Variants in LRRC37A2 observed in about 807,000 individuals in gnomAD.
The protein encoded by LRRC37A2 is leucine-rich repeat-containing protein 37A2.
In LRRC37A2, 9 loss-of-function variants were observed where a neutral mutation model predicts 68.8. The observed-to-expected ratio is 0.13, with a 90% CI of 0.08 to 0.23. The LOEUF (loss-of-function observed/expected upper bound fraction) is 0.23. LRRC37A2 is among the 10% of genes least tolerant of loss of function. The pLI is 1.00. For synonymous variants in LRRC37A2, 63 were observed against 367.6 expected (o/e 0.17, Z 9.48); for missense variants, 168 against 950.4 (o/e 0.18, Z 10.82).
chr17:46,920,348 G>T, the LRRC37A2 span, among the ~76,000 whole-genome samples: 3 of 152,188 alleles, frequency 2.0e-5, no homozygotes, highest in Non-Finnish European at 4.4e-5. Context: ...AGATATGGGA[G>T]GTTTTAGGGC....
At chr17:46,900,180 T>TAC in the LRRC37A2 span, among the ~76,000 whole-genome samples, 11 of 117,220 alleles carry the variant, frequency 9.4e-5, no homozygotes, top group African/African-American at 5.1e-4. Context: ...TATATATATA[T>TAC]ATATATATAT....
chr17:46,883,127 C>T, the LRRC37A2 span, among the ~76,000 whole-genome samples: 189 of 150,798 alleles, frequency 1.3e-3, no homozygotes, highest in African/African-American at 4.2e-3. Context: ...TCCAGGTGCC[C>T]GCCACCACGC....
the LRRC37A2 span, among the ~76,000 whole-genome samples, chr17:46,965,705 C>T: frequency 6.6e-6 from 1 of 152,176 alleles, no homozygotes; most frequent in Non-Finnish European, 1.5e-5. Context: ...ACGCTGCAGC[C>T]TCGACCTCCT....
chr17:46,804,810 G>C, the LRRC37A2 span, among the ~76,000 whole-genome samples: 4 of 152,164 alleles, frequency 2.6e-5, no homozygotes, highest in Non-Finnish European at 5.9e-5. Flanking sequence ...TCAGTGCTCT[G>C]TAGCTAGCTA....
chr17:46,810,525 G>A, the LRRC37A2 span, among the ~76,000 whole-genome samples: 3 of 152,112 alleles, frequency 2.0e-5, no homozygotes, highest in Admixed American at 6.5e-5. Flanking sequence ...AGCTCTTCAC[G>A]GCCCTGCAAG....
chr17:46,931,032 A>G, the LRRC37A2 span: 1 of 895,384 alleles, frequency 1.1e-6, no homozygotes, highest in Non-Finnish European at 1.9e-6. Context: ...AAAATCTGTG[A>G]TTTATCATTG....
the LRRC37A2 span, among the ~76,000 whole-genome samples, chr17:46,954,258 A>G: frequency 1.3e-5 from 2 of 152,224 alleles, no homozygotes; most frequent in South Asian, 2.1e-4. Flanking sequence ...ACATATGGCT[A>G]GCCAGTTTTC....
chr17:46,878,604 A>C, the LRRC37A2 span, among the ~76,000 whole-genome samples: 139 of 152,166 alleles, frequency 9.1e-4, no homozygotes, highest in Non-Finnish European at 1.7e-3. Flanking sequence ...CACAGCATGG[A>C]GATTTTCTCT....
the LRRC37A2 span, chr17:46,998,938 A>C: frequency 6.6e-6 from 1 of 152,200 alleles, no homozygotes; most frequent in Non-Finnish European, 1.5e-5. Context: ...CATCCTTAGC[A>C]CAGAAACTCA....
chr17:46,738,114 T>C, the LRRC37A2 span, among the ~76,000 whole-genome samples: 1 of 151,866 alleles, frequency 6.6e-6, no homozygotes, highest in South Asian at 2.1e-4. Context: ...TTATATTTTT[T>C]GTATAGACAG....
At chr17:46,494,303 G>C in the LRRC37A2 span, among the ~76,000 whole-genome samples, 9 of 149,582 alleles carry the variant, frequency 6.0e-5, 1 homozygote, top group African/African-American at 2.3e-4. Context: ...TTTTGATGAA[G>C]TCTGATTAAC....
At chr17:46,938,155 G>T in the LRRC37A2 span, 2 of 268,886 alleles carry the variant, frequency 7.4e-6, no homozygotes, top group Non-Finnish European at 1.4e-5. Flanking sequence ...GAGTCCCTGC[G>T]CCTGGCCTGT....
At chr17:46,806,476 C>T in the LRRC37A2 span, among the ~76,000 whole-genome samples, 38 of 152,160 alleles carry the variant, frequency 2.5e-4, no homozygotes, top group Non-Finnish European at 3.8e-4. Flanking sequence ...CCCAAAGTGC[C>T]GGGGTTACAG....
chr17:47,009,104 A>G, the LRRC37A2 span, among the ~76,000 whole-genome samples: 1 of 152,036 alleles, frequency 6.6e-6, no homozygotes, highest in Non-Finnish European at 1.5e-5. Context: ...CTGCACTCCA[A>G]CTGGGGCAAC....
chr17:46,916,792 G>A, the LRRC37A2 span: 2 of 152,240 alleles, frequency 1.3e-5, no homozygotes, highest in Admixed American at 1.3e-4. Flanking sequence ...TCAGCTCACA[G>A]TTCTGGAGGT....
the LRRC37A2 span, among the ~76,000 whole-genome samples, chr17:46,824,407 C>G: frequency 6.6e-6 from 1 of 152,158 alleles, no homozygotes; most frequent in African/African-American, 2.4e-5. Flanking sequence ...CGCCACCATG[C>G]CTGGCTAATT....
At chr17:46,568,514 A>C in the LRRC37A2 span, among the ~76,000 whole-genome samples, 637 of 109,052 alleles carry the variant, frequency 5.8e-3, 101 homozygotes, top group African/African-American at 0.017. Context: ...AAAAAAAAAG[A>C]GGGGGGGAGG....
the LRRC37A2 span, among the ~76,000 whole-genome samples, chr17:46,816,734 C>T: frequency 2.0e-5 from 3 of 152,168 alleles, no homozygotes; most frequent in South Asian, 2.1e-4. Context: ...TTCATAGGGC[C>T]GGAGAGACTG....
chr17:46,914,650 C>CA, the LRRC37A2 span, among the ~76,000 whole-genome samples: 34,689 of 72,632 alleles, frequency 0.48, 7,070 homozygotes, highest in Non-Finnish European at 0.52. Context: ...GACTCCACCT[C>CA]AAAAAAAAAA....
Sources: gnomAD v4.1 joint callset for allele counts (sites outside exome capture counted in the v4.1 genomes callset) on GRCh38, gnomAD v4.1.1 for gene constraint, MANE v1.5 for transcripts, NCBI Gene and HGNC (gene_info 2026-07-23, HGNC 2026-07-21) for gene names.